Variants in TAX1BP1 observed in about 807,000 individuals in gnomAD.
TAX1BP1 encodes Tax1 binding protein 1.
A neutral mutation model predicts 97.7 loss-of-function variants in TAX1BP1; 62 were observed. The observed-to-expected ratio is 0.63, with a 90% CI of 0.52 to 0.78. The LOEUF is 0.78. TAX1BP1 is among the 30% of genes least tolerant of loss of function. The pLI, the probability that TAX1BP1 is intolerant of heterozygous loss-of-function variation, is 0.00. For missense variants in TAX1BP1, 867 were observed against 916.1 expected (o/e 0.95, Z 0.69); for synonymous variants, 340 against 304.2 (o/e 1.12, Z -1.23).
In TAX1BP1 at chr7:27,809,303, C is replaced by G. The variant is rs552749311; in HGVS notation, c.1765-7046C>G. 3.3e-5 allele frequency among the ~76,000 whole-genome samples: 5 copies of G among 152,308 alleles called. No individual in the cohort carries two copies. In the South Asian group the frequency reaches 6.2e-4, roughly 19 times the overall value. ...TGGCTACAACAAATGTAATATGAAA[C>G]AAATCTGTTTGATCTCTGTAGGTGG... On this transcript the variant is annotated intron_variant, in intron 13 of 16. Transcript: ENST00000396319.
chr7:27,755,061 A>G (rs1258432486), intron 2 of TAX1BP1, among the ~76,000 whole-genome samples: 2 of 152,140 alleles, frequency 1.3e-5, no homozygotes, highest in Non-Finnish European at 2.9e-5. Flanking sequence ...CCCTGTGTAT[A>G]TCTAGGCATT....
chr7:27,808,238 C>A (rs773186032), intron 13 of TAX1BP1, among the ~76,000 whole-genome samples: 1 of 152,140 alleles, frequency 6.6e-6, no homozygotes, highest in African/African-American at 2.4e-5. Flanking sequence ...TAAAAAATAG[C>A]AACACACACA....
Position 27,829,464 on chromosome 7 carries a change from A to AAAC in TAX1BP1, c.*636_*638dup, listed in dbSNP as rs1413672904. The AAAC allele has an allele frequency of 3.8e-4, 58 of 152,326 alleles. No individual in the cohort carries two copies. Among genetic ancestry groups the AAAC allele is most frequent in the African/African-American group, 1.2e-3 (50 of 41,586 alleles). The allele number at this position is 152,326 out of a possible 1,614,324, so 9.4% of individuals were successfully genotyped here. On this transcript the variant is annotated 3_prime_UTR_variant, in exon 17 of 17. Coordinates refer to ENST00000396319, the MANE Select transcript of TAX1BP1 (RefSeq NM_006024.7). ...TAGAATAACCTGAATGATTATTTTT[A>AAAC]AACTATCTTGAAGTTGTATGTATAT... is the stretch of plus-strand genomic sequence containing the variant.
chr7:27,800,678 C>T (rs943144695), intron 13 of TAX1BP1, among the ~76,000 whole-genome samples: 2 of 152,144 alleles, frequency 1.3e-5, no homozygotes, highest in African/African-American at 4.8e-5. Context: ...TAACATTTAT[C>T]ACTAAAGTAT....
At chr7:27,747,771 C>T (rs940509907) in intron 1 of TAX1BP1, among the ~76,000 whole-genome samples, 10 of 150,558 alleles carry the variant, frequency 6.6e-5, no homozygotes, top group Non-Finnish European at 1.2e-4. Context: ...TTACTTGGGG[C>T]GATGTAGGGG....
At chr7:27,744,773 GC>G (rs923451946) in intron 1 of TAX1BP1, among the ~76,000 whole-genome samples, 62 of 151,616 alleles carry the variant, frequency 4.1e-4, no homozygotes, top group Non-Finnish European at 5.3e-4. Flanking sequence ...ATGCTTCCCT[GC>G]CCCCACCCCA....
intron 3 of TAX1BP1, among the ~76,000 whole-genome samples, chr7:27,759,396 A>G (rs1409039617): frequency 6.6e-6 from 1 of 152,174 alleles, no homozygotes. Context: ...AATTCCTGTT[A>G]GTGACAAAAA....
At chr7:27,789,111 C>T (rs1789601662) in intron 8 of TAX1BP1, among the ~76,000 whole-genome samples, 1 of 151,952 alleles carries the variant, frequency 6.6e-6, no homozygotes, top group Non-Finnish European at 1.5e-5. Flanking sequence ...ATGCCACTTC[C>T]AACAATAAAT....
chr7:27,793,295 C>A, intron 10 of TAX1BP1, 83 bp downstream of exon 10: 1 of 1,185,950 alleles, frequency 8.4e-7, no homozygotes, highest in Non-Finnish European at 1.2e-6. Context: ...TTCCAAATAT[C>A]AACCTTTTAA....
At chr7:27,803,266 A>G (rs1261618167) in intron 13 of TAX1BP1, 5 of 1,222,504 alleles carry the variant, frequency 4.1e-6, no homozygotes, top group Admixed American at 3.1e-5. Flanking sequence ...TTTGAAGTTC[A>G]TGTGACAGTA....
intron 2 of TAX1BP1, among the ~76,000 whole-genome samples, chr7:27,756,199 T>G (rs533047023): frequency 2.6e-5 from 4 of 152,214 alleles, no homozygotes; most frequent in African/African-American, 4.8e-5. Flanking sequence ...TTATCCACTC[T>G]AGCATACTTT....
chr7:27,799,639 T>C (rs1321352074), intron 12 of TAX1BP1, among the ~76,000 whole-genome samples: 3 of 152,210 alleles, frequency 2.0e-5, no homozygotes, highest in African/African-American at 4.8e-5. Flanking sequence ...CATATAGATA[T>C]TGTATTATAA....
intron 13 of TAX1BP1, among the ~76,000 whole-genome samples, chr7:27,810,195 C>T (rs2128323162): frequency 6.6e-6 from 1 of 151,988 alleles, no homozygotes; most frequent in African/African-American, 2.4e-5. Flanking sequence ...GCGTGAGCCA[C>T]CACGCACAGC....
At chr7:27,817,160 T>C in intron 15 of TAX1BP1, 122 bp downstream of exon 15, 1 of 1,194,502 alleles carries the variant, frequency 8.4e-7, no homozygotes, top group African/African-American at 1.6e-5. Flanking sequence ...GGAAGGAGAG[T>C]GTGTGCTTGT....
chr7:27,806,586 G>A (rs951513632), intron 13 of TAX1BP1, among the ~76,000 whole-genome samples: 1 of 152,016 alleles, frequency 6.6e-6, no homozygotes, highest in African/African-American at 2.4e-5. Flanking sequence ...GTCTCTTTCT[G>A]TACTTTGAGT....
intron 5 of TAX1BP1, among the ~76,000 whole-genome samples, chr7:27,774,642 A>G (rs1454978305): frequency 6.6e-6 from 1 of 152,050 alleles, no homozygotes; most frequent in East Asian, 1.9e-4. Context: ...AAAAAAACAT[A>G]TATTTAAAAA....
chr7:27,768,071 A>G (rs560602209), intron 4 of TAX1BP1, among the ~76,000 whole-genome samples: 6 of 152,106 alleles, frequency 3.9e-5, no homozygotes, highest in African/African-American at 1.4e-4. Context: ...AGTGAGGGAT[A>G]TTTGACTATG....
At chr7:27,790,670 C>T (rs1263240203) in intron 8 of TAX1BP1, among the ~76,000 whole-genome samples, 1 of 151,868 alleles carries the variant, frequency 6.6e-6, no homozygotes, top group Non-Finnish European at 1.5e-5. Context: ...TATGTCTATA[C>T]CCTTTGATAA....
rs1356888901 is a variant in TAX1BP1, at chr7:27,800,007, A to G, written c.1681A>G (p.Lys561Glu). The G allele has an allele frequency of 5.0e-6, 8 of 1,605,132 alleles. No individual in the cohort carries two copies. Among genetic ancestry groups the G allele is most frequent in the South Asian group, 1.1e-5 (1 of 89,104 alleles). ...CAATAAATATGCTGATGAACTTGCA[A>G]AAATGGAGCTGAAATGGAAAGAACA... ...KCNKYADELA[K>E]MELKWKEQVK... is the part of the protein sequence containing the mutation. The change falls in exon 13 of 17, where the codon AAA (lysine) becomes GAA (glutamate). Residue 561 changes from lysine to glutamate, a missense_variant. By Grantham distance (56) the Lys-to-Glu change is moderately conservative. This residue lies in a region of TAX1BP1 where 822 missense variants were observed against 851.4 expected (regional missense o/e 0.97). Coordinates refer to ENST00000396319, the MANE Select transcript of TAX1BP1 (RefSeq NM_006024.7).
Sources: gnomAD v4.1 joint callset for allele counts (sites outside exome capture counted in the v4.1 genomes callset) on GRCh38, gnomAD v4.1.1 for gene constraint, gnomAD v4.1.1 regional missense constraint, MANE v1.5 for transcripts, NCBI Gene and HGNC (gene_info 2026-07-23, HGNC 2026-07-21) for gene names.